CPVL: variants seen among roughly 807,000 people sequenced by gnomAD.
CPVL encodes carboxypeptidase vitellogenic like, also known as probable serine carboxypeptidase CPVL.
CPVL carries 51 observed loss-of-function variants against 63.7 expected under a neutral mutation model. The ratio of observed to expected loss-of-function variants is 0.80; its 90% CI spans 0.64 to 1.01. The LOEUF (loss-of-function observed/expected upper bound fraction) is 1.01, where lower values mean the gene tolerates loss of function less well. CPVL is among the 50% of genes least tolerant of loss of function. The pLI is 0.00. For missense variants in CPVL, 530 were observed against 573.1 expected, an observed-to-expected ratio of 0.92 and a Z score of 0.77; for synonymous variants, 195 against 206.0, an observed-to-expected ratio of 0.95 and a Z score of 0.46.
intron 12 of CPVL, among the ~76,000 whole-genome samples, chr7:29,006,144 A>T (rs187644910): frequency 2.3e-4 from 35 of 152,312 alleles, no homozygotes; most frequent in Non-Finnish European, 4.1e-4. Context: ...CCAACTGTGC[A>T]CATTGCTGCC....
intron 1 of CPVL, among the ~76,000 whole-genome samples, chr7:29,140,730 G>A (rs372444749): frequency 3.9e-5 from 6 of 152,112 alleles, no homozygotes; most frequent in South Asian, 4.2e-4. Flanking sequence ...ACATTCTATC[G>A]CACCCTCTCT....
At chr7:29,166,918 A>C (rs928959395) in intron 5 of CPVL, among the ~76,000 whole-genome samples, 3 of 152,104 alleles carry the variant, frequency 2.0e-5, no homozygotes, top group Non-Finnish European at 4.4e-5. Context: ...TAGTTCTACT[A>C]TCTGTGTCAT....
In CPVL at chr7:29,030,565, G is replaced by A. The variant is rs759176203; in HGVS notation, c.1320+12C>T. 2 of 1,605,832 alleles carry A rather than the reference G, an allele frequency of 1.2e-6. No homozygotes were observed. The highest frequency in any genetic ancestry group is 1.7e-5 in the Admixed American group (1 of 59,288). On this transcript the variant is annotated intron_variant, in intron 12 of 12. Coordinates refer to ENST00000265394, the MANE Select transcript of CPVL (RefSeq NM_031311.5). ...ATTCCCACAACCTGCCTGCTCCCAA[G>A]CATCTTCCTACCTGATGGAAGTCAC...
At chr7:29,001,617 A>G (rs1784645318) in intron 12 of CPVL, among the ~76,000 whole-genome samples, 3 of 152,210 alleles carry the variant, frequency 2.0e-5, no homozygotes, top group Admixed American at 1.3e-4. Flanking sequence ...AGCAGAGATC[A>G]AGGCTGGGAG....
intron 5 of CPVL, among the ~76,000 whole-genome samples, chr7:29,158,195 C>T (rs927699083): frequency 5.9e-5 from 9 of 152,098 alleles, no homozygotes; most frequent in East Asian, 1.9e-4. Flanking sequence ...GCATGAGTTC[C>T]GGAATGAATG....
chr7:29,169,937 C>G (rs891016722), intron 5 of CPVL, among the ~76,000 whole-genome samples: 1 of 151,628 alleles, frequency 6.6e-6, no homozygotes, highest in Non-Finnish European at 1.5e-5. Context: ...GGTGCAGTGG[C>G]GCCATCATAG....
intron 9 of CPVL, 125 bp downstream of exon 9, chr7:29,071,648 A>G (rs538928529): frequency 2.4e-4 from 244 of 1,036,366 alleles, no homozygotes; most frequent in African/African-American, 6.1e-4. Context: ...CCGATCTCCA[A>G]TGGAATAACA....
At chr7:29,094,733 C>T (rs1317891221) in intron 5 of CPVL, among the ~76,000 whole-genome samples, 1 of 151,934 alleles carries the variant, frequency 6.6e-6, no homozygotes, top group Non-Finnish European at 1.5e-5. Context: ...TGTGGTGGCA[C>T]ACGCCTGTAA....
At chr7:29,145,734 A>C (rs1327005643) in intron 1 of CPVL, 7 of 152,190 alleles carry the variant, frequency 4.6e-5, no homozygotes, top group Admixed American at 3.3e-4. Flanking sequence ...TTTCAGATGG[A>C]AAGACTGAGG....
intron 2 of CPVL, among the ~76,000 whole-genome samples, chr7:29,115,965 GAGT>G (rs908213139): frequency 2.6e-5 from 4 of 152,122 alleles, no homozygotes; most frequent in Non-Finnish European, 5.9e-5. Flanking sequence ...CCTTTTACTT[GAGT>G]ATGTTTCAGA....
chr7:29,135,818 C>G (rs1208770123), intron 1 of CPVL, among the ~76,000 whole-genome samples: 1 of 152,162 alleles, frequency 6.6e-6, no homozygotes, highest in East Asian at 1.9e-4. Flanking sequence ...CCCACCTTAG[C>G]CTCCCAGAGT....
At chr7:29,047,117 T>C (rs544847856) in intron 11 of CPVL, among the ~76,000 whole-genome samples, 7 of 152,320 alleles carry the variant, frequency 4.6e-5, no homozygotes, top group East Asian at 1.9e-4. Context: ...CTTTATTGCA[T>C]ACTACTATGT....
chr7:29,028,343 C>G (rs1430997203), intron 12 of CPVL, among the ~76,000 whole-genome samples: 2 of 152,056 alleles, frequency 1.3e-5, no homozygotes, highest in Non-Finnish European at 2.9e-5. Context: ...AAAATAAGCT[C>G]AAAATGGATT....
intron 5 of CPVL, among the ~76,000 whole-genome samples, chr7:29,163,546 T>G (rs1344726125): frequency 1.3e-5 from 2 of 151,158 alleles, no homozygotes; most frequent in Non-Finnish European, 3.0e-5. Flanking sequence ...ACAATATCCA[T>G]TTTTTTTTAC....
At chr7:29,065,970 G>A (rs1342483743) in intron 10 of CPVL, 53 bp downstream of exon 10, 2 of 1,097,850 alleles carry the variant, frequency 1.8e-6, no homozygotes, top group Non-Finnish European at 2.7e-6. Context: ...AGGAAGTTCG[G>A]TTTTGCCAAA....
intron 5 of CPVL, among the ~76,000 whole-genome samples, chr7:29,161,291 G>A (rs947079593): frequency 6.6e-6 from 1 of 152,058 alleles, no homozygotes; most frequent in Non-Finnish European, 1.5e-5. Flanking sequence ...TTTGAACCCC[G>A]TTACCAAGTG....
intron 1 of CPVL, 120 bp downstream of exon 1, chr7:29,146,309 C>G (rs1038514309): frequency 3.4e-5 from 14 of 410,098 alleles, no homozygotes; most frequent in African/African-American, 2.6e-4. Flanking sequence ...GGTGCTTTCT[C>G]CCCTGTTGGT....
At chr7:29,163,787 A>G (rs1198838077) in intron 5 of CPVL, among the ~76,000 whole-genome samples, 2 of 152,208 alleles carry the variant, frequency 1.3e-5, no homozygotes, top group South Asian at 2.1e-4. Flanking sequence ...AAATACAATT[A>G]TATTAATTGG....
chr7:29,036,606 G>C (rs1002881943), intron 11 of CPVL, among the ~76,000 whole-genome samples: 2 of 152,072 alleles, frequency 1.3e-5, no homozygotes, highest in African/African-American at 4.8e-5. Context: ...GCATGCATTG[G>C]CCACTGCATC....
Sources: gnomAD v4.1 joint callset for allele counts (sites outside exome capture counted in the v4.1 genomes callset) on GRCh38, gnomAD v4.1.1 for gene constraint, MANE v1.5 for transcripts, NCBI Gene and HGNC (gene_info 2026-07-23, HGNC 2026-07-21) for gene names.